Variants in RNF180 observed in about 807,000 individuals in gnomAD.
RNF180 encodes the protein E3 ubiquitin-protein ligase RNF180.
In RNF180, 38 loss-of-function variants were observed where a neutral mutation model predicts 59.2. The observed-to-expected ratio is 0.64, with a 90% CI of 0.50 to 0.84. The LOEUF (loss-of-function observed/expected upper bound fraction) is 0.84. Among genes scored for constraint, RNF180 ranks in the 40% least tolerant of loss-of-function variants. RNF180 has a pLI of 0.00. For missense variants in RNF180, 705 were observed against 700.9 expected (o/e 1.01, Z -0.07); for synonymous variants, 262 against 240.3 (o/e 1.09, Z -0.84).
chr5:64,317,057 G>T (rs1744075629), intron 5 of RNF180, among the ~76,000 whole-genome samples: 1 of 152,156 alleles, frequency 6.6e-6, no homozygotes, highest in Non-Finnish European at 1.5e-5. Flanking sequence ...AGAACCTGCA[G>T]ACATGGAGGG....
At chr5:64,273,494 A>G (rs1459159311) in intron 5 of RNF180, among the ~76,000 whole-genome samples, 1 of 152,060 alleles carries the variant, frequency 6.6e-6, no homozygotes, top group East Asian at 1.9e-4. Context: ...AGGATAAACA[A>G]AGACATACTT....
At chr5:64,247,051 A>G (rs977229839) in intron 5 of RNF180, among the ~76,000 whole-genome samples, 2 of 152,216 alleles carry the variant, frequency 1.3e-5, no homozygotes, top group African/African-American at 4.8e-5. Flanking sequence ...CTTCAGTAAA[A>G]TTCAACACCA....
chr5:64,358,775 A>G (rs1481685397), intron 7 of RNF180, among the ~76,000 whole-genome samples: 2 of 143,124 alleles, frequency 1.4e-5, no homozygotes, highest in Non-Finnish European at 1.5e-5. Flanking sequence ...ATATCTCCCA[A>G]TGCTATCCCT....
intron 5 of RNF180, among the ~76,000 whole-genome samples, chr5:64,226,028 G>A (rs1203507192): frequency 1.6e-3 from 227 of 140,188 alleles, no homozygotes; most frequent in African/African-American, 5.4e-3. Context: ...CGGCCGCCCC[G>A]TCTGGGAAGT....
At chr5:64,359,852 A>G (rs1746180121) in intron 7 of RNF180, among the ~76,000 whole-genome samples, 1 of 152,222 alleles carries the variant, frequency 6.6e-6, no homozygotes, top group East Asian at 1.9e-4. Flanking sequence ...CTTTCTACAT[A>G]TGGCTATCCA....
chr5:64,259,847 G>C (rs1394544869), intron 5 of RNF180, among the ~76,000 whole-genome samples: 2 of 151,990 alleles, frequency 1.3e-5, no homozygotes, highest in African/African-American at 4.8e-5. Context: ...CTTGAACCCG[G>C]GAGGCGGAGG....
chr5:64,177,507 T>C (rs1360094291), intron 1 of RNF180, among the ~76,000 whole-genome samples: 7 of 138,252 alleles, frequency 5.1e-5, no homozygotes, highest in African/African-American at 1.8e-4. Context: ...TAGATTTTTT[T>C]CAAAGGCATA....
intron 5 of RNF180, among the ~76,000 whole-genome samples, chr5:64,282,237 G>A (rs1742048968): frequency 6.6e-6 from 1 of 152,062 alleles, no homozygotes; most frequent in Admixed American, 6.5e-5. Flanking sequence ...CTCATTATTG[G>A]TCTGTTCAGA....
At chr5:64,324,764 C>T (rs140080852) in intron 5 of RNF180, among the ~76,000 whole-genome samples, 6 of 152,244 alleles carry the variant, frequency 3.9e-5, no homozygotes, top group South Asian at 2.1e-4. Flanking sequence ...TGAAGTATGA[C>T]GTCTTCTGCC....
chr5:64,352,239 A>G (rs981687937), intron 7 of RNF180, among the ~76,000 whole-genome samples: 25 of 151,612 alleles, frequency 1.6e-4, no homozygotes, highest in African/African-American at 5.6e-4. Context: ...CTGTGGGATC[A>G]GTGGTGATAT....
chr5:64,365,871 A>C (rs929025130), intron 7 of RNF180, among the ~76,000 whole-genome samples: 1 of 151,524 alleles, frequency 6.6e-6, no homozygotes, highest in Non-Finnish European at 1.5e-5. Context: ...GTGTCATTGC[A>C]TGTAAGATGA....
At chr5:64,283,667 A>G (rs116556001) in intron 5 of RNF180, among the ~76,000 whole-genome samples, 3,550 of 152,020 alleles carry the variant, frequency 0.023, 125 homozygotes, top group African/African-American at 0.075. Context: ...CCATGCTTGC[A>G]CTTCTCCTTC....
At chr5:64,268,388 A>G (rs1223702815) in intron 5 of RNF180, among the ~76,000 whole-genome samples, 3 of 152,126 alleles carry the variant, frequency 2.0e-5, no homozygotes, top group African/African-American at 7.2e-5. Context: ...TTTAGTGTCC[A>G]TGACATTTCA....
intron 5 of RNF180, among the ~76,000 whole-genome samples, chr5:64,318,308 T>A (rs1744170366): frequency 6.6e-6 from 1 of 152,180 alleles, no homozygotes; most frequent in African/African-American, 2.4e-5. Flanking sequence ...GCCAATCTGA[T>A]AACTGAGACA....
In RNF180 at chr5:64,305,346, G is replaced by A. The variant is rs190026105; in HGVS notation, c.1228-19840G>A. On this transcript the variant is annotated intron_variant, in intron 5 of 7. Coordinates refer to ENST00000389100, the MANE Select transcript of RNF180 (RefSeq NM_001113561.2). Reference sequence around the variant, plus strand: ...AAAACTGTTATCTTTAACTCTGGGGGTCCTATAATTTCTAGATTCTTCTCT... The same window carrying A: ...AAAACTGTTATCTTTAACTCTGGGGATCCTATAATTTCTAGATTCTTCTCT... Among the ~76,000 whole-genome samples the A allele has an allele frequency of 1.6e-3, 240 of 151,480 alleles. 2 individuals carry two copies. The highest frequency in any genetic ancestry group is 5.5e-3 in the African/African-American group (226 of 41,426).
At chr5:64,203,192 CTTGT>C (rs1751840665) in intron 2 of RNF180, among the ~76,000 whole-genome samples, 1 of 152,148 alleles carries the variant, frequency 6.6e-6, no homozygotes, top group Non-Finnish European at 1.5e-5. Flanking sequence ...TCTCTAAAGT[CTTGT>C]TGAAAATAGG....
chr5:64,170,215 C>G (rs374029712), intron 1 of RNF180, among the ~76,000 whole-genome samples: 1 of 152,204 alleles, frequency 6.6e-6, no homozygotes. Flanking sequence ...TTAGCAGTTT[C>G]TAGCCAAGGT....
intron 5 of RNF180, among the ~76,000 whole-genome samples, chr5:64,287,838 C>T (rs1007882455): frequency 3.9e-5 from 6 of 152,024 alleles, no homozygotes; most frequent in African/African-American, 1.5e-4. Context: ...AGTTTTCTCC[C>T]ATTCTTTAGG....
rs181988293 is a variant in RNF180 at position 64,260,443 on chromosome 5, T to C, written c.1227+43047T>C. On this transcript the variant is annotated intron_variant, in intron 5 of 7. Transcript: ENST00000389100. ...ATTATTTCATATTTAAGAAAGAAAT[T>C]AATTTCTTCAATATTGGGTTAAAAG... Among the ~76,000 whole-genome samples the C allele has an allele frequency of 3.7e-3, 570 of 152,322 alleles. 9 individuals carry two copies. Among genetic ancestry groups the C allele is most frequent in the African/African-American group, 0.012 (519 of 41,576 alleles).
Sources: allele counts gnomAD v4.1 joint callset (sites outside exome capture counted in the v4.1 genomes callset), GRCh38; gene constraint gnomAD v4.1.1; transcripts MANE v1.5; gene names NCBI Gene and HGNC (gene_info 2026-07-23, HGNC 2026-07-21).